Variants in GNA14 observed in about 807,000 individuals in gnomAD.
GNA14 encodes guanine nucleotide-binding protein subunit alpha-14.
In GNA14, 50 loss-of-function variants were observed where a neutral mutation model predicts 42.0. That is an observed-to-expected ratio of 1.19 (90% CI 0.95 to 1.51). The LOEUF is 1.51. GNA14 is among the 40% of genes most tolerant of loss of function. The pLI is 0.00. For synonymous variants in GNA14, 173 were observed against 163.1 expected (o/e 1.06, Z -0.46); for missense variants, 473 against 446.2 (o/e 1.06, Z -0.54).
At chr9:77,618,879 C>A (rs987066364) in intron 1 of GNA14, among the ~76,000 whole-genome samples, 1 of 150,854 alleles carries the variant, frequency 6.6e-6, no homozygotes, top group Admixed American at 6.6e-5. Flanking sequence ...GTGATCCGCC[C>A]GCCTCGGCCT....
intron 2 of GNA14, among the ~76,000 whole-genome samples, chr9:77,528,817 GA>G (rs1256747538): frequency 6.6e-6 from 1 of 152,116 alleles, no homozygotes. Context: ...CGGAAATAAG[GA>G]ACCTAAATAA....
intron 2 of GNA14, among the ~76,000 whole-genome samples, chr9:77,455,849 G>C (rs1835989310): frequency 6.6e-6 from 1 of 152,158 alleles, no homozygotes; most frequent in Admixed American, 6.5e-5. Flanking sequence ...TAACTGAGTA[G>C]AAGTTTATGA....
intron 2 of GNA14, among the ~76,000 whole-genome samples, chr9:77,520,163 G>GC (rs1350097073): frequency 1.3e-5 from 2 of 152,016 alleles, no homozygotes; most frequent in East Asian, 3.9e-4. Context: ...GGATACTATT[G>GC]CAGAGCTTAT....
intron 1 of GNA14, among the ~76,000 whole-genome samples, chr9:77,583,178 G>T (rs556865619): frequency 6.6e-6 from 1 of 152,152 alleles, no homozygotes; most frequent in Non-Finnish European, 1.5e-5. Flanking sequence ...ATGAGATAAC[G>T]CAGTCTTTGT....
intron 1 of GNA14, among the ~76,000 whole-genome samples, chr9:77,609,972 G>A (rs1217073237): frequency 6.6e-6 from 1 of 152,104 alleles, no homozygotes; most frequent in Non-Finnish European, 1.5e-5. Flanking sequence ...AACAACCAGG[G>A]AAGATTAATC....
At chr9:77,527,718 C>G (rs1479818795) in intron 2 of GNA14, among the ~76,000 whole-genome samples, 1 of 152,178 alleles carries the variant, frequency 6.6e-6, no homozygotes, top group East Asian at 1.9e-4. Context: ...ACTGCAACCT[C>G]CACCTCCCAG....
chr9:77,541,754 G>T (rs1235959184), intron 1 of GNA14, among the ~76,000 whole-genome samples: 1 of 151,182 alleles, frequency 6.6e-6, no homozygotes, highest in East Asian at 1.9e-4. Flanking sequence ...CTTTATTTTT[G>T]TCTGATTTGA....
At chr9:77,522,380 A>C (rs150594030) in intron 2 of GNA14, among the ~76,000 whole-genome samples, 91 of 152,324 alleles carry the variant, frequency 6.0e-4, no homozygotes, top group African/African-American at 2.1e-3. Context: ...CAAAGGAAAC[A>C]AACAGCATTT....
intron 2 of GNA14, among the ~76,000 whole-genome samples, chr9:77,519,265 G>T (rs1160231310): frequency 4.6e-5 from 7 of 152,072 alleles, no homozygotes; most frequent in African/African-American, 1.4e-4. Flanking sequence ...ACAAAAATTA[G>T]CTGGGCGTGG....
chr9:77,607,287 C>T (rs1036863576), intron 1 of GNA14, among the ~76,000 whole-genome samples: 2 of 152,158 alleles, frequency 1.3e-5, no homozygotes, highest in African/African-American at 4.8e-5. Flanking sequence ...TGCCAAGTGA[C>T]ATGCTGAGAA....
At chr9:77,632,729 CG>C (rs1824118991) in intron 1 of GNA14, among the ~76,000 whole-genome samples, 1 of 152,174 alleles carries the variant, frequency 6.6e-6, no homozygotes, top group South Asian at 2.1e-4. Flanking sequence ...CACAGAGAGC[CG>C]GTGCCTTTGC....
chr9:77,554,686 C>T (rs1022154148), intron 1 of GNA14, among the ~76,000 whole-genome samples: 1 of 152,174 alleles, frequency 6.6e-6, no homozygotes, highest in South Asian at 2.1e-4. Flanking sequence ...AAATGAAGAA[C>T]TGAGCTGCAC....
At chr9:77,473,277 A>G (rs199573001) in intron 2 of GNA14, among the ~76,000 whole-genome samples, 2 of 152,142 alleles carry the variant, frequency 1.3e-5, no homozygotes, top group East Asian at 3.9e-4. Flanking sequence ...GGCAACATGG[A>G]AAAAACCCAT....
chr9:77,625,169 C>T (rs1007346886), intron 1 of GNA14, among the ~76,000 whole-genome samples: 1 of 151,454 alleles, frequency 6.6e-6, no homozygotes, highest in Non-Finnish European at 1.5e-5. Flanking sequence ...GATTGAAGAT[C>T]AACTTAACGA....
At chr9:77,465,918 T>C (rs1282388832) in intron 2 of GNA14, among the ~76,000 whole-genome samples, 1 of 152,216 alleles carries the variant, frequency 6.6e-6, no homozygotes, top group African/African-American at 2.4e-5. Flanking sequence ...TATAAGATTG[T>C]TGATTGACTT....
intron 1 of GNA14, among the ~76,000 whole-genome samples, chr9:77,548,600 T>G (rs1278506218): frequency 6.6e-6 from 1 of 152,194 alleles, no homozygotes; most frequent in African/African-American, 2.4e-5. Flanking sequence ...ATTTTCCACA[T>G]ATAGCAAATT....
chr9:77,580,363 G>T (rs1474846702), intron 1 of GNA14: 1 of 327,612 alleles, frequency 3.1e-6, no homozygotes, highest in South Asian at 3.4e-5. Flanking sequence ...TCATGCCTTA[G>T]GTGGGAAGGA....
At chr9:77,605,535 G>C (rs533406653) in intron 1 of GNA14, among the ~76,000 whole-genome samples, 1 of 152,168 alleles carries the variant, frequency 6.6e-6, no homozygotes, top group Admixed American at 6.6e-5. Context: ...AGACTTTCAT[G>C]TGAAAGGATA....
intron 1 of GNA14, among the ~76,000 whole-genome samples, chr9:77,603,962 A>AAC (rs1823610814): frequency 1.6e-5 from 1 of 63,478 alleles, no homozygotes; most frequent in African/African-American, 4.3e-5. Flanking sequence ...AAAACAAAAA[A>AAC]AAAAAAAAAA....
Sources: gnomAD v4.1 joint callset for allele counts (sites outside exome capture counted in the v4.1 genomes callset) on GRCh38, gnomAD v4.1.1 for gene constraint, MANE v1.5 for transcripts, NCBI Gene and HGNC (gene_info 2026-07-23, HGNC 2026-07-21) for gene names.